The following CASK variants were observed in gnomAD, a reference collection of about 807,000 sequenced individuals.
The protein encoded by CASK is calcium/calmodulin dependent serine protein kinase, also known as peripheral plasma membrane protein CASK.
Under a neutral mutation model 82.9 loss-of-function variants are expected in CASK, and 4 were observed. The observed-to-expected ratio is 0.05, with a 90% CI of 0.02 to 0.11. CASK has a LOEUF of 0.11. CASK is among the 10% of genes least tolerant of loss of function. CASK has a pLI of 1.00. For synonymous variants in CASK, 259 were observed against 253.5 expected, an observed-to-expected ratio of 1.02 and a Z score of -0.20; for missense variants, 358 against 720.9, an observed-to-expected ratio of 0.50 and a Z score of 5.76.
At chrX:41,910,509 T>C (rs2072544500) in intron 1 of CASK, among the ~76,000 whole-genome samples, 1 of 112,140 alleles carries the variant, frequency 8.9e-6, no homozygotes, top group Non-Finnish European at 1.9e-5. Flanking sequence ...TTTATGGATG[T>C]GTCTTTATCG....
chrX:41,797,024 T>G (rs2069868646), intron 2 of CASK, among the ~76,000 whole-genome samples: 2 of 111,870 alleles, frequency 1.8e-5, no homozygotes, highest in African/African-American at 6.5e-5. Flanking sequence ...AGCATGGCTT[T>G]GAAAGCCTTC....
intron 16 of CASK, 109 bp from the exon 17 acceptor site, chrX:41,561,753 A>G: frequency 1.7e-6 from 1 of 586,925 alleles, no homozygotes; most frequent in Non-Finnish European, 2.8e-6. Flanking sequence ...ATTGAGGGCC[A>G]ATATTTCAGA....
chrX:41,630,006 GTTAA>G (rs745823853), intron 9 of CASK, among the ~76,000 whole-genome samples: 1 of 111,804 alleles, frequency 8.9e-6, no homozygotes, highest in South Asian at 3.7e-4. Context: ...ATACTTTTGA[GTTAA>G]TTAGACTATT....
intron 3 of CASK, among the ~76,000 whole-genome samples, chrX:41,756,650 C>A (rs1351078134): frequency 8.9e-6 from 1 of 112,215 alleles, no homozygotes; most frequent in African/African-American, 3.2e-5. Flanking sequence ...GTGCTTACTA[C>A]GTGAAAGGTA....
At chrX:41,606,328 C>T (rs4827280) in intron 12 of CASK, among the ~76,000 whole-genome samples, 15 of 111,978 alleles carry the variant, frequency 1.3e-4, no homozygotes, top group Admixed American at 8.5e-4. Context: ...TGCAGTGGCA[C>T]GATCTCGGCT....
intron 16 of CASK, among the ~76,000 whole-genome samples, chrX:41,569,073 C>A (rs2065365020): frequency 8.9e-6 from 1 of 112,010 alleles, no homozygotes; most frequent in African/African-American, 3.2e-5. Context: ...CTCACCATGG[C>A]AGGTATTAAT....
At chrX:41,561,225 C>T (rs1245379939) in intron 17 of CASK, among the ~76,000 whole-genome samples, 1 of 111,098 alleles carries the variant, frequency 9.0e-6, no homozygotes, top group African/African-American at 3.3e-5. Flanking sequence ...CTGCTGATGT[C>T]AGGAGAGTTG....
intron 5 of CASK, chrX:41,676,528 C>A: frequency 1.7e-6 from 2 of 1,149,554 alleles, no homozygotes; most frequent in Non-Finnish European, 2.3e-6. Flanking sequence ...TCCCCTCGCG[C>A]CGGCACGCGG....
chrX:41,838,067 G>T (rs1383215091), intron 2 of CASK, among the ~76,000 whole-genome samples: 1 of 111,235 alleles, frequency 9.0e-6, no homozygotes, highest in Non-Finnish European at 1.9e-5. Flanking sequence ...TGCACAGACT[G>T]GTCTTGAACT....
intron 4 of CASK, among the ~76,000 whole-genome samples, chrX:41,743,093 T>A (rs749467498): frequency 2.7e-5 from 3 of 112,251 alleles, no homozygotes; most frequent in Non-Finnish European, 5.6e-5. Flanking sequence ...CTCTTCACAC[T>A]ACCATCCTGC....
intron 2 of CASK, among the ~76,000 whole-genome samples, chrX:41,839,163 A>C (rs916637243): frequency 8.9e-6 from 1 of 111,780 alleles, no homozygotes; most frequent in Non-Finnish European, 1.9e-5. Flanking sequence ...ATTTTAGGAT[A>C]AGCCTTCTAT....
At chrX:41,706,105 T>A (rs763181808) in intron 5 of CASK, among the ~76,000 whole-genome samples, 1 of 112,129 alleles carries the variant, frequency 8.9e-6, no homozygotes, top group East Asian at 2.8e-4. Flanking sequence ...AAAACACTGT[T>A]TCCTCTACAT....
chrX:41,700,961 C>G (rs1211155617), intron 5 of CASK, among the ~76,000 whole-genome samples: 2 of 88,312 alleles, frequency 2.3e-5, no homozygotes, highest in East Asian at 8.5e-4. Flanking sequence ...AAAAAGGTTC[C>G]TGTTAGTCAA....
intron 5 of CASK, among the ~76,000 whole-genome samples, chrX:41,691,231 G>A (rs1390212729): frequency 9.0e-6 from 1 of 111,554 alleles, no homozygotes; most frequent in Non-Finnish European, 1.9e-5. Flanking sequence ...TATGGCTATC[G>A]GGTCTAGAAG....
At chrX:41,807,791 A>C (rs1487862482) in intron 2 of CASK, among the ~76,000 whole-genome samples, 1 of 111,672 alleles carries the variant, frequency 9.0e-6, no homozygotes, top group Admixed American at 9.5e-5. Flanking sequence ...CTCTCGCGAT[A>C]ACAACATAAA....
chrX:41,657,589 C>T (rs1401482817), intron 8 of CASK, among the ~76,000 whole-genome samples: 1 of 110,729 alleles, frequency 9.0e-6, no homozygotes, highest in African/African-American at 3.3e-5. Flanking sequence ...ATGGCGTGAT[C>T]TTGGCTCACT....
chrX:41,790,882 T>G (rs568867211), intron 2 of CASK, among the ~76,000 whole-genome samples: 2 of 112,284 alleles, frequency 1.8e-5, no homozygotes, highest in Admixed American at 1.9e-4. Flanking sequence ...TTAAGTGCTA[T>G]TAAGTCCACG....
At chrX:41,829,057 G>A (rs1341834851) in intron 2 of CASK, among the ~76,000 whole-genome samples, 1 of 112,012 alleles carries the variant, frequency 8.9e-6, no homozygotes, top group Non-Finnish European at 1.9e-5. Flanking sequence ...TCCCCATTAT[G>A]CAAAATATAA....
At position 41,900,522 on chromosome X, in the gene CASK, A is replaced by G. The variant is rs751866935; in HGVS notation, c.59+22408T>C. Among the ~76,000 whole-genome samples the G allele has an allele frequency of 4.6e-5, 5 of 108,097 alleles. No homozygotes were observed. The South Asian group carries it at 2.0e-3, about 43-fold the overall frequency. 93.9% of individuals were successfully genotyped at this position (108,097 alleles called of 115,157 possible). A position where few individuals can be genotyped will look rare whatever the true frequency, so the allele number is the denominator to read the frequency against. ...CTCACTAATTTTTTCTTCTACTTCA[A>G]GTCTACTATTGAAGCTTTCTGTGGA... On this transcript the variant is annotated intron_variant, in intron 1 of 26. Transcript: ENST00000378163.
Sources: allele counts gnomAD v4.1 joint callset (sites outside exome capture counted in the v4.1 genomes callset), GRCh38; gene constraint gnomAD v4.1.1; transcripts MANE v1.5; gene names NCBI Gene and HGNC (gene_info 2026-07-23, HGNC 2026-07-21).